The following TPST1 variants were observed in gnomAD, a reference collection of about 807,000 sequenced individuals.
The protein encoded by TPST1 is tyrosylprotein sulfotransferase 1, also known as protein-tyrosine sulfotransferase 1.
TPST1 carries 20 observed loss-of-function variants against 34.8 expected under a neutral mutation model. That is an observed-to-expected ratio of 0.57 (90% CI 0.40 to 0.84). The LOEUF is 0.84. Ranked by LOEUF, TPST1 falls within the 40% of genes least tolerant of loss-of-function variation. The pLI is 0.00. For missense variants in TPST1, 353 were observed against 455.5 expected, an observed-to-expected ratio of 0.78 and a Z score of 2.05; for synonymous variants, 152 against 159.4, an observed-to-expected ratio of 0.95 and a Z score of 0.35.
At chr7:66,260,149 A>G (rs1365642330) in intron 2 of TPST1, among the ~76,000 whole-genome samples, 1 of 152,230 alleles carries the variant, frequency 6.6e-6, no homozygotes, top group African/African-American at 2.4e-5. Context: ...TGCTTGGACT[A>G]GAAGTGTTTC....
intron 2 of TPST1, among the ~76,000 whole-genome samples, chr7:66,262,382 T>C (rs1389227207): frequency 6.6e-6 from 1 of 152,136 alleles, no homozygotes; most frequent in Admixed American, 6.5e-5. Context: ...CTTTTATGCC[T>C]TGTGGGAGCC....
At chr7:66,334,635 CAAA>C (rs60341796) in intron 3 of TPST1, among the ~76,000 whole-genome samples, 5 of 112,772 alleles carry the variant, frequency 4.4e-5, no homozygotes, top group Admixed American at 1.9e-4. Flanking sequence ...GACTCCATCT[CAAA>C]AAAAAAAAAA....
At chr7:66,327,740 CGT>C (rs3060053) in intron 3 of TPST1, among the ~76,000 whole-genome samples, 3 of 147,396 alleles carry the variant, frequency 2.0e-5, no homozygotes. Context: ...AAAAAAAGTG[CGT>C]GTGTGTGTGT....
intron 1 of TPST1, among the ~76,000 whole-genome samples, chr7:66,220,119 A>T (rs941269408): frequency 6.6e-5 from 10 of 152,184 alleles, no homozygotes; most frequent in Non-Finnish European, 2.9e-5. Context: ...TAACACTGGA[A>T]CCAGAAGAAA....
chr7:66,318,126 C>A (rs758226014), intron 3 of TPST1, among the ~76,000 whole-genome samples: 1 of 152,038 alleles, frequency 6.6e-6, no homozygotes, highest in Non-Finnish European at 1.5e-5. Context: ...CCATTGTACT[C>A]GAGCCTCGGC....
intron 3 of TPST1, among the ~76,000 whole-genome samples, chr7:66,319,782 C>T (rs1791713214): frequency 6.6e-6 from 1 of 152,174 alleles, no homozygotes; most frequent in Non-Finnish European, 1.5e-5. Flanking sequence ...AGTGAAAGTC[C>T]ATTGATCCTG....
rs149666613 is a variant in TPST1, at chr7:66,357,569, T to C, written c.*29+698T>C. Among the ~76,000 whole-genome samples, 7 of 152,342 alleles carry C rather than the reference T, an allele frequency of 4.6e-5. No individual in the cohort carries two copies. In the East Asian group the frequency reaches 1.2e-3, roughly 25 times the overall value. ...CCTTGCCTTCTCAGCCCTTTTTCTA[T>C]CTGAGTATGTGGCCCTCATCAGGCA... On this transcript the variant is annotated intron_variant, in intron 5 of 5. Transcript: ENST00000304842.
rs1415208098 is a variant in TPST1, at chr7:66,309,129, C to T, written c.1044+22420C>T. Reference sequence around the variant, plus strand: ...GTCAGGCTGGTCTTGGAACTCCTGACCTCAGGTGATCCACCCACCTTGGCC... The same window carrying T: ...GTCAGGCTGGTCTTGGAACTCCTGATCTCAGGTGATCCACCCACCTTGGCC... On this transcript the variant is annotated intron_variant, in intron 3 of 5. Coordinates refer to ENST00000304842, the MANE Select transcript of TPST1 (RefSeq NM_003596.4). Among the ~76,000 whole-genome samples the T allele has an allele frequency of 3.3e-5, 5 of 152,250 alleles. No homozygotes were observed. In the East Asian group the frequency reaches 5.8e-4, roughly 18 times the overall value.
At chr7:66,257,890 T>G (rs1790411357) in intron 2 of TPST1, among the ~76,000 whole-genome samples, 1 of 152,224 alleles carries the variant, frequency 6.6e-6, no homozygotes, top group Non-Finnish European at 1.5e-5. Context: ...CCACAAAGGT[T>G]GTATTTTGTC....
chr7:66,238,542 G>T lies in TPST1; in HGVS notation c.-101-1783G>T, dbSNP rs557298891. Among the ~76,000 whole-genome samples the T allele has an allele frequency of 2.0e-5, 3 of 152,180 alleles. No homozygotes were observed. The East Asian group carries it at 5.8e-4, about 29-fold the overall frequency. ...AACTCCAGATTCTGCTCGGTAGCAG[G>T]CTGGACACACAGGCAGGGTTTCTAT... On this transcript the variant is annotated intron_variant, in intron 1 of 5. Coordinates refer to ENST00000304842, the MANE Select transcript of TPST1 (RefSeq NM_003596.4).
chr7:66,331,759 C>G (rs955010524), intron 3 of TPST1, among the ~76,000 whole-genome samples: 5 of 152,080 alleles, frequency 3.3e-5, no homozygotes, highest in African/African-American at 9.7e-5. Context: ...TTTGTTACCT[C>G]TTAGTTATCA....
At chr7:66,359,131 C>T (rs1018688382) in intron 5 of TPST1, 1 of 149,968 alleles carries the variant, frequency 6.7e-6, no homozygotes, top group African/African-American at 2.4e-5. Flanking sequence ...ACTTAAAGAA[C>T]CTTAGGACCC....
chr7:66,341,261 A>G (rs574362216), intron 3 of TPST1, among the ~76,000 whole-genome samples: 10 of 152,264 alleles, frequency 6.6e-5, no homozygotes, highest in South Asian at 4.1e-4. Context: ...TTATACACAC[A>G]TAGGTATATA....
rs1790004755 is a variant in TPST1, at chr7:66,240,433, G to T, written c.8G>T (p.Gly3Val). The T allele has an allele frequency of 6.2e-7, 1 of 1,613,018 alleles. No homozygotes were observed. The highest frequency in any genetic ancestry group is 1.7e-5 in the Admixed American group (1 of 59,914). The change falls in exon 2 of 6, where the codon GGA becomes GTA. Residue 3 changes from glycine to valine, a missense_variant. Transcript: ENST00000304842. ...CAAGATAACCACATCAAGATGGTTGGAAAGCTGAAGCAGAACTTACTATTG... is the reference window on the plus strand; with the variant it reads ...CAAGATAACCACATCAAGATGGTTGTAAAGCTGAAGCAGAACTTACTATTG... MVGKLKQNLLLAC... is the reference protein window; with the variant it reads MVVKLKQNLLLAC...
chr7:66,314,819 A>G (rs534852880), intron 3 of TPST1, among the ~76,000 whole-genome samples: 1 of 152,378 alleles, frequency 6.6e-6, no homozygotes, highest in Admixed American at 6.5e-5. Flanking sequence ...ATATCTAAAC[A>G]TAGGAAGATA....
At chr7:66,266,828 A>G (rs1790602223) in intron 2 of TPST1, among the ~76,000 whole-genome samples, 1 of 152,196 alleles carries the variant, frequency 6.6e-6, no homozygotes, top group Non-Finnish European at 1.5e-5. Flanking sequence ...AGTAGCTAAA[A>G]CCAATCTTTT....
chr7:66,336,805 A>G (rs1019224749), intron 3 of TPST1, among the ~76,000 whole-genome samples: 1 of 152,180 alleles, frequency 6.6e-6, no homozygotes, highest in African/African-American at 2.4e-5. Flanking sequence ...GCACATAACA[A>G]TCTGGTTAAC....
Position 66,232,201 on chromosome 7 carries a change from A to ATTT in TPST1, c.-101-8105_-101-8103dup, listed in dbSNP as rs1319878540. ...TTTATTTTGTTTCTTATTAAAAAAA[A>ATTT]TTTTTTTTTTTTTTTTTTTTTGAGA... On this transcript the variant is annotated intron_variant, in intron 1 of 5. Coordinates refer to ENST00000304842, the MANE Select transcript of TPST1 (RefSeq NM_003596.4). Among the ~76,000 whole-genome samples the ATTT allele has an allele frequency of 4.3e-3, 489 of 113,888 alleles. 8 individuals are homozygous for ATTT. Among genetic ancestry groups the ATTT allele is most frequent in the African/African-American group, 5.3e-3 (154 of 28,842 alleles). 74.7% of individuals were successfully genotyped at this position (113,888 alleles called of 152,430 possible). A position where few individuals can be genotyped will look rare whatever the true frequency, so the allele number is the denominator to read the frequency against.
upstream of TPST1, among the ~76,000 whole-genome samples, chr7:66,203,161 GTA>G (rs1210981234): frequency 2.0e-5 from 3 of 151,570 alleles, no homozygotes; most frequent in African/African-American, 7.3e-5. Flanking sequence ...GTGTGTGTGT[GTA>G]TACACCCACA....
Sources: allele counts gnomAD v4.1 joint callset (sites outside exome capture counted in the v4.1 genomes callset), GRCh38; gene constraint gnomAD v4.1.1; transcripts MANE v1.5; gene names NCBI Gene and HGNC (gene_info 2026-07-23, HGNC 2026-07-21).